The following MKRN1 variants were observed in gnomAD, a reference collection of about 807,000 sequenced individuals.
The protein encoded by MKRN1 is E3 ubiquitin-protein ligase makorin-1.
MKRN1 carries 9 observed loss-of-function variants against 55.5 expected under a neutral mutation model. The observed-to-expected ratio is 0.16, with a 90% confidence interval of 0.10 to 0.28. The LOEUF (loss-of-function observed/expected upper bound fraction) is 0.28. MKRN1 is among the 10% of genes least tolerant of loss of function. The pLI, the probability that MKRN1 is intolerant of heterozygous loss-of-function variation, is 1.00. For synonymous variants in MKRN1, 253 were observed against 235.9 expected, an observed-to-expected ratio of 1.07 and a Z score of -0.66; for missense variants, 488 against 626.7, an observed-to-expected ratio of 0.78 and a Z score of 2.36.
chr7:140,479,096 C>CG, intron 1 of MKRN1, 64 bp downstream of exon 1: 1 of 1,260,512 alleles, frequency 7.9e-7, no homozygotes, highest in Non-Finnish European at 9.9e-7. Flanking sequence ...TCCTCCCTCC[C>CG]GCGCCGCAGG....
chr7:140,454,416 TGA>T lies in MKRN1; in HGVS notation c.*99_*100del. The T allele has an allele frequency of 8.5e-7, 1 of 1,172,740 alleles. No homozygotes were observed. Among genetic ancestry groups the T allele is most frequent in the Non-Finnish European group, 1.2e-6 (1 of 808,434 alleles). 72.6% of individuals were successfully genotyped at this position (1,172,740 alleles called of 1,614,324 possible). A position where few individuals can be genotyped will look rare whatever the true frequency, so the allele number is the denominator to read the frequency against. ...AAATTCTTAGGACAGCACCTGGAGTTGAGAGGCCTGCCTAGGAGAGAACACAG... is the reference window on the plus strand; with the variant it reads ...AAATTCTTAGGACAGCACCTGGAGTTGAGGCCTGCCTAGGAGAGAACACAG... On this transcript the variant is annotated 3_prime_UTR_variant, in exon 8 of 8. Transcript: ENST00000255977.
intron 1 of MKRN1, 104 bp from the exon 2 acceptor site, chr7:140,472,115 A>C: frequency 3.4e-6 from 5 of 1,457,234 alleles, no homozygotes; most frequent in South Asian, 1.2e-5. Flanking sequence ...ATACACAAAC[A>C]TACGAAATAA....
chr7:140,456,361 C>G (rs1488053637), intron 5 of MKRN1: 119 of 1,274,782 alleles, frequency 9.3e-5, no homozygotes, highest in Non-Finnish European at 1.2e-4. Flanking sequence ...AGAGCTAGAT[C>G]AGTTTGTTCA....
chr7:140,459,782 C>T lies in MKRN1; in HGVS notation c.469G>A (p.Ala157Thr), dbSNP rs373946584. 4.8e-5 allele frequency: 77 copies of T among 1,613,826 alleles called. No individual in the cohort carries two copies. Among genetic ancestry groups the T allele is most frequent in the Non-Finnish European group, 6.2e-5 (73 of 1,179,876 alleles). ...GEAESRNSNF[A>T]TVGAGSEDWV... is the part of the protein sequence containing the mutation. Reference sequence around the variant, plus strand: ...TCCTCTGAACCTGCTCCTACAGTTGCAAAGTTTGAATTTCTTGACTCAGCT... The same window carrying T: ...TCCTCTGAACCTGCTCCTACAGTTGTAAAGTTTGAATTTCTTGACTCAGCT... The change falls in exon 3 of 8, where the codon GCA becomes ACA. Residue 157 changes from alanine (A) to threonine (T), a missense_variant. Ala to Thr is a moderately conservative substitution (Grantham distance 58). This residue lies in a region of MKRN1 where 210 missense variants were observed against 220.0 expected (regional missense o/e 0.95). Coordinates refer to ENST00000255977, the MANE Select transcript of MKRN1 (RefSeq NM_013446.4).
At chr7:140,467,307 T>C (rs1317641167) in intron 2 of MKRN1, among the ~76,000 whole-genome samples, 1 of 151,208 alleles carries the variant, frequency 6.6e-6, no homozygotes, top group Non-Finnish European at 1.5e-5. Flanking sequence ...AGACGAAGTC[T>C]CACTCTTTGC....
intron 2 of MKRN1, 33 bp downstream of exon 2, chr7:140,471,850 C>T (rs756172762): frequency 1.2e-6 from 2 of 1,604,532 alleles, no homozygotes; most frequent in Non-Finnish European, 1.7e-6. Flanking sequence ...TCCTCCAACC[C>T]ACCCCTGAAC....
chr7:140,455,399 T>A, intron 6 of MKRN1, 166 bp from the exon 7 acceptor site: 2 of 799,954 alleles, frequency 2.5e-6, no homozygotes, highest in Non-Finnish European at 3.9e-6. Context: ...CAAGAAACAC[T>A]AACTAGAAAC....
intron 1 of MKRN1, chr7:140,475,431 G>A (rs889477962): frequency 4.4e-5 from 12 of 275,482 alleles, no homozygotes; most frequent in East Asian, 3.3e-4. Context: ...AGGCCGAGGC[G>A]GGTGAAACAC....
At chr7:140,472,844 G>A (rs912427590) in intron 1 of MKRN1, among the ~76,000 whole-genome samples, 14 of 151,652 alleles carry the variant, frequency 9.2e-5, no homozygotes, top group Non-Finnish European at 1.5e-4. Context: ...AGGGCCAGGC[G>A]TGGTGGCCCA....
At chr7:140,472,355 C>A (rs990995801) in intron 1 of MKRN1, 2 of 236,186 alleles carry the variant, frequency 8.5e-6, no homozygotes, top group Non-Finnish European at 1.7e-5. Flanking sequence ...ACTGCTTACA[C>A]GTGGGAGGCT....
At chr7:140,457,325 C>A (rs1457419462) in intron 4 of MKRN1, among the ~76,000 whole-genome samples, 3 of 152,148 alleles carry the variant, frequency 2.0e-5, no homozygotes, top group Non-Finnish European at 4.4e-5. Flanking sequence ...GCTTGATAGA[C>A]TGATGCACAC....
chr7:140,455,200 A>T lies in MKRN1; in HGVS notation c.1131T>A (p.Arg377=). The T allele has an allele frequency of 6.2e-7, 1 of 1,614,070 alleles. No homozygotes were observed. The highest frequency in any genetic ancestry group is 2.2e-5 in the East Asian group (1 of 44,876). ...AGTTCCCTCCAAATGGGCAGCTCCC[A>T]CGTCCTTCATCAAAATACCTGCACG... ...NKACRYFDEG[R]GSCPFGGNCF... is the part of the protein sequence containing the mutation. Residue 377 remains arginine (R), a synonymous_variant, in exon 7 of 8, where the codon CGT becomes CGA. Coordinates refer to ENST00000255977, the MANE Select transcript of MKRN1 (RefSeq NM_013446.4).
At chr7:140,457,010 T>A in intron 4 of MKRN1, 144 bp from the exon 5 acceptor site, 1 of 835,736 alleles carries the variant, frequency 1.2e-6, no homozygotes, top group Non-Finnish European at 1.8e-6. Context: ...TTAGCTTTGC[T>A]GACAAGTAAA....
chr7:140,479,529 G>C (rs546359738), upstream of MKRN1: 1,849 of 559,924 alleles, frequency 3.3e-3, 6 homozygotes, highest in Non-Finnish European at 2.8e-3. Context: ...CGGGCCCAGA[G>C]CATGCGCGCC....
chr7:140,474,135 G>A (rs528759141), intron 1 of MKRN1, among the ~76,000 whole-genome samples: 1 of 151,974 alleles, frequency 6.6e-6, no homozygotes, highest in Non-Finnish European at 1.5e-5. Flanking sequence ...GCAGAGGCAG[G>A]TGGATCACCT....
intron 1 of MKRN1, among the ~76,000 whole-genome samples, chr7:140,477,743 C>T (rs1318763409): frequency 1.3e-5 from 2 of 152,228 alleles, no homozygotes; most frequent in Non-Finnish European, 2.9e-5. Flanking sequence ...CAGGCGTGAG[C>T]CACCACGCCG....
intron 1 of MKRN1, among the ~76,000 whole-genome samples, chr7:140,477,882 T>C (rs1426135571): frequency 6.6e-6 from 1 of 152,230 alleles, no homozygotes; most frequent in Non-Finnish European, 1.5e-5. Context: ...AACTTTAAAA[T>C]CATCATTCCT....
intron 1 of MKRN1, among the ~76,000 whole-genome samples, chr7:140,474,005 A>AAAAAAAGAAAGAAAGAAAGAAAGAAAG (rs1336764327): frequency 1.5e-5 from 1 of 65,658 alleles, no homozygotes; most frequent in Non-Finnish European, 2.7e-5. Context: ...AAAAAAAAAA[A>AAAAAAAGAAAGAAAGAAAGAAAGAAAG]AAAGAAAGAA....
chr7:140,474,549 C>T (rs1296194643), intron 1 of MKRN1: 3 of 187,264 alleles, frequency 1.6e-5, no homozygotes, highest in Non-Finnish European at 3.5e-5. Context: ...GATGGTGAAT[C>T]ATGGTAGCGA....
Sources: gnomAD v4.1 joint callset for allele counts (sites outside exome capture counted in the v4.1 genomes callset) on GRCh38, gnomAD v4.1.1 for gene constraint, gnomAD v4.1.1 regional missense constraint, MANE v1.5 for transcripts, NCBI Gene and HGNC (gene_info 2026-07-23, HGNC 2026-07-21) for gene names.